Variants in ANK2 observed in about 807,000 individuals in gnomAD.
The protein encoded by ANK2 is ankyrin-2.
In ANK2, 83 loss-of-function variants were observed where a neutral mutation model predicts 360.5. The ratio of observed to expected loss-of-function variants is 0.23; its 90% confidence interval spans 0.19 to 0.28. The LOEUF (loss-of-function observed/expected upper bound fraction) is 0.28. Ranked by LOEUF, ANK2 falls within the 10% of genes least tolerant of loss-of-function variation. The pLI, the probability that ANK2 is intolerant of heterozygous loss-of-function variation, is 1.00. For synonymous variants in ANK2, 1,740 were observed against 1,759.5 expected (o/e 0.99, Z 0.28); for missense variants, 4,201 against 4,795.7 (o/e 0.88, Z 3.66).
At chr4:113,021,541 C>CATATATATATATATAT (rs57817594) in intron 2 of ANK2, among the ~76,000 whole-genome samples, 8 of 95,636 alleles carry the variant, frequency 8.4e-5, no homozygotes, top group African/African-American at 2.7e-4. Flanking sequence ...CACACACAAA[C>CATATATATATATATAT]ATATATATAT....
Position 113,355,256 on chromosome 4 carries a change from C to T in ANK2, c.6638C>T (p.Ser2213Phe), listed in dbSNP as rs749821485. 3 of 1,614,056 alleles carry T rather than the reference C, an allele frequency of 1.9e-6. No homozygotes were observed. The highest frequency in any genetic ancestry group is 1.3e-5 in the African/African-American group (1 of 75,038). The part of the protein sequence containing the change: ...ESLKNEGVAG[S>F]PCGSLMEGTP... Reference sequence around the variant, plus strand: ...CTAAAGAATGAGGGGGTAGCCGGCTCTCCGTGTGGCAGCCTGATGGAGGGG... The same window carrying T: ...CTAAAGAATGAGGGGGTAGCCGGCTTTCCGTGTGGCAGCCTGATGGAGGGG... The change falls in exon 38 of 46, where the codon TCT (serine) becomes TTT (phenylalanine). Residue 2213 changes from serine (S) to phenylalanine (F), a missense_variant. Physicochemically the swap from Ser to Phe is radical, Grantham distance 155. Transcript: ENST00000357077.
At chr4:113,315,767 C>T (rs1013705213) in intron 24 of ANK2, among the ~76,000 whole-genome samples, 16 of 152,022 alleles carry the variant, frequency 1.1e-4, no homozygotes, top group East Asian at 3.9e-4. Flanking sequence ...GGCGTGGTGG[C>T]AGGCGCCTGT....
At chr4:113,057,563 C>G (rs571612656) in intron 1 of ANK2, among the ~76,000 whole-genome samples, 1 of 152,214 alleles carries the variant, frequency 6.6e-6, no homozygotes, top group Non-Finnish European at 1.5e-5. Context: ...TTTTGGAATC[C>G]ATCTTGTTTT....
At chr4:113,114,590 T>G (rs545477944) in intron 1 of ANK2, among the ~76,000 whole-genome samples, 3 of 152,196 alleles carry the variant, frequency 2.0e-5, no homozygotes, top group Admixed American at 2.0e-4. Context: ...AGTTGAAGTT[T>G]AAAAAATGTG....
chr4:113,238,891 C>T (rs2099404145), intron 7 of ANK2, among the ~76,000 whole-genome samples: 1 of 152,086 alleles, frequency 6.6e-6, no homozygotes, highest in Admixed American at 6.5e-5. Flanking sequence ...GAGGCTGTAT[C>T]AGACAATAAG....
chr4:112,759,890 C>T, the ANK2 span, among the ~76,000 whole-genome samples: 1 of 152,108 alleles, frequency 6.6e-6, no homozygotes, highest in Non-Finnish European at 1.5e-5. Context: ...CTTTTAAATT[C>T]AACCACTTAA....
intron 2 of ANK2, among the ~76,000 whole-genome samples, chr4:112,951,060 C>A (rs1008333659): frequency 8.8e-6 from 1 of 113,636 alleles, no homozygotes; most frequent in Non-Finnish European, 1.7e-5. Context: ...CCAGCCTGGG[C>A]GACAGAGCGA....
At chr4:113,030,405 G>A (rs951274659) in intron 2 of ANK2, among the ~76,000 whole-genome samples, 11 of 152,102 alleles carry the variant, frequency 7.2e-5, no homozygotes, top group Non-Finnish European at 2.9e-5. Context: ...CAACAGGACT[G>A]GTTTGGGGCT....
Position 112,967,499 on chromosome 4 carries a change from A to G in ANK2, c.21+62985A>G, listed in dbSNP as rs192615329. Among the ~76,000 whole-genome samples, 3 of 152,318 alleles carry G rather than the reference A, an allele frequency of 2.0e-5. No homozygotes were observed. In the East Asian group the frequency reaches 5.8e-4, roughly 29 times the overall value. The stretch of plus-strand genomic sequence containing the variant: ...TTCGATAATCAAAATAGTAACTTAA[A>G]TGATAAAAATGGCCCATTGTTATCT... On this transcript the variant is annotated intron_variant, in intron 2 of 30. Transcript: ENST00000503271.
At position 113,343,075 on chromosome 4, in the gene ANK2, A is replaced by G; in HGVS notation, c.4181A>G (p.Lys1394Arg). 4 of 1,613,886 alleles carry G rather than the reference A, an allele frequency of 2.5e-6. No individual in the cohort carries two copies. Among genetic ancestry groups the G allele is most frequent in the Non-Finnish European group, 3.4e-6 (4 of 1,179,816 alleles). Reference sequence around the variant, plus strand: ...TTCGGCAACTTGGTACCATTAACTAAAAGTGGCCAGCATCATATATTCAGT... The same window carrying G: ...TTCGGCAACTTGGTACCATTAACTAGAAGTGGCCAGCATCATATATTCAGT... ...DCFGNLVPLT[K>R]SGQHHIFSFF... The change falls in exon 34 of 46, where the codon AAA becomes AGA. Residue 1394 changes from lysine (K) to arginine (R), a missense_variant. Around this residue, in one of 4 missense-constraint regions of ANK2, gnomAD observed 1,268 missense variants for 1,650.8 expected, o/e 0.77. Transcript: ENST00000357077.
chr4:112,716,987 A>C, the ANK2 span, among the ~76,000 whole-genome samples: 41 of 152,276 alleles, frequency 2.7e-4, 1 homozygote, highest in East Asian at 9.6e-4. Context: ...TACATCTGGA[A>C]TTTATTTTTC....
chr4:112,800,160 T>G, the ANK2 span, among the ~76,000 whole-genome samples: 2 of 152,156 alleles, frequency 1.3e-5, no homozygotes, highest in Non-Finnish European at 2.9e-5. Context: ...TGTCGTTCCT[T>G]CTCTCCAAGA....
intron 1 of ANK2, among the ~76,000 whole-genome samples, chr4:113,087,635 C>G (rs955141942): frequency 6.6e-6 from 1 of 151,968 alleles, no homozygotes; most frequent in African/African-American, 2.4e-5. Flanking sequence ...TTCAATGACA[C>G]TTTAATTTTT....
At chr4:113,368,890 A>G (rs2096631448) in intron 42 of ANK2, among the ~76,000 whole-genome samples, 1 of 152,236 alleles carries the variant, frequency 6.6e-6, no homozygotes, top group African/African-American at 2.4e-5. Flanking sequence ...ATGGAGTGAT[A>G]GATTGCACTG....
At chr4:113,239,852 A>G (rs1057081240) in intron 7 of ANK2, among the ~76,000 whole-genome samples, 2 of 152,096 alleles carry the variant, frequency 1.3e-5, no homozygotes, top group African/African-American at 4.8e-5. Flanking sequence ...TTATATTCCT[A>G]TTGATGCCAC....
chr4:113,103,681 G>A (rs555799190), intron 1 of ANK2, among the ~76,000 whole-genome samples: 10 of 152,222 alleles, frequency 6.6e-5, no homozygotes, highest in Middle Eastern at 3.4e-3. Context: ...AATATTATTT[G>A]TGCTTTTAAT....
intron 1 of ANK2, among the ~76,000 whole-genome samples, chr4:112,828,413 T>A (rs2058913388): frequency 6.6e-6 from 1 of 152,020 alleles, no homozygotes; most frequent in African/African-American, 2.4e-5. Flanking sequence ...TTTGTATTTT[T>A]AGTAAAGAGG....
At chr4:113,091,691 T>C (rs1278169049) in intron 1 of ANK2, among the ~76,000 whole-genome samples, 1 of 152,020 alleles carries the variant, frequency 6.6e-6, no homozygotes, top group African/African-American at 2.4e-5. Flanking sequence ...GATGAGAAAA[T>C]TGAGGCATGG....
At chr4:113,197,563 G>T (rs1252275259) in intron 3 of ANK2, among the ~76,000 whole-genome samples, 12 of 152,156 alleles carry the variant, frequency 7.9e-5, no homozygotes, top group Non-Finnish European at 2.9e-5. Flanking sequence ...TGGGACACTA[G>T]TCTAATCTGG....
Sources: gnomAD v4.1 joint callset for allele counts (sites outside exome capture counted in the v4.1 genomes callset) on GRCh38, gnomAD v4.1.1 for gene constraint, gnomAD v4.1.1 regional missense constraint, MANE v1.5 for transcripts, NCBI Gene and HGNC (gene_info 2026-07-23, HGNC 2026-07-21) for gene names.